MBD2: variants seen among roughly 807,000 people sequenced by gnomAD.
MBD2 encodes the protein methyl-CpG-binding domain protein 2.
A neutral mutation model predicts 39.3 loss-of-function variants in MBD2; 9 were observed. The observed-to-expected ratio is 0.23, with a 90% confidence interval of 0.14 to 0.40. The LOEUF is 0.40. Among genes scored for constraint, MBD2 ranks in the 10% least tolerant of loss-of-function variants. The pLI is 1.00. For missense variants in MBD2, 458 were observed against 532.6 expected, an observed-to-expected ratio of 0.86 and a Z score of 1.38; for synonymous variants, 233 against 211.1, an observed-to-expected ratio of 1.10 and a Z score of -0.90.
At chr18:54,159,734 T>C (rs919473065) in intron 6 of MBD2, 31 bp downstream of exon 6, 2 of 1,597,708 alleles carry the variant, frequency 1.3e-6, no homozygotes, top group Non-Finnish European at 1.7e-6. Context: ...ACACCTTAAG[T>C]TCCAAGTCAC....
intron 3 of MBD2, among the ~76,000 whole-genome samples, chr18:54,185,333 C>A (rs529223164): frequency 3.3e-5 from 5 of 152,074 alleles, no homozygotes; most frequent in African/African-American, 1.2e-4. Flanking sequence ...AACAATTACC[C>A]CTACAAAAAA....
intron 5 of MBD2, 31 bp downstream of exon 5, chr18:54,164,492 A>G (rs1389417714): frequency 1.3e-6 from 2 of 1,582,954 alleles, no homozygotes; most frequent in Non-Finnish European, 1.7e-6. Flanking sequence ...GTAAAAACCC[A>G]AGTTTATGAA....
chr18:54,207,910 C>T (rs2086463697), intron 1 of MBD2, among the ~76,000 whole-genome samples: 1 of 152,052 alleles, frequency 6.6e-6, no homozygotes, highest in Non-Finnish European at 1.5e-5. Flanking sequence ...TGGTGGCGGG[C>T]GCCTGTAGTC....
At chr18:54,197,715 A>G (rs544229924) in intron 2 of MBD2, among the ~76,000 whole-genome samples, 1 of 152,300 alleles carries the variant, frequency 6.6e-6, no homozygotes, top group East Asian at 1.9e-4. Context: ...GTCCACTTCT[A>G]TCTCCACGGG....
At chr18:54,219,472 T>C (rs915310201) in intron 1 of MBD2, among the ~76,000 whole-genome samples, 1 of 152,204 alleles carries the variant, frequency 6.6e-6, no homozygotes, top group African/African-American at 2.4e-5. Flanking sequence ...CCACAAGTTC[T>C]AAGTAAATGA....
intron 3 of MBD2, among the ~76,000 whole-genome samples, chr18:54,171,430 T>A (rs778018865): frequency 6.8e-6 from 1 of 147,722 alleles, no homozygotes; most frequent in East Asian, 2.0e-4. Context: ...GGGGGTGTAG[T>A]GACCACCAAG....
intron 2 of MBD2, among the ~76,000 whole-genome samples, chr18:54,190,022 T>G (rs2086310030): frequency 6.7e-6 from 1 of 148,982 alleles, no homozygotes; most frequent in East Asian, 1.9e-4. Flanking sequence ...ATTGGCATAC[T>G]TGGCATTAAA....
intron 6 of MBD2, among the ~76,000 whole-genome samples, chr18:54,156,958 A>G (rs1181297535): frequency 1.3e-5 from 2 of 152,176 alleles, no homozygotes; most frequent in African/African-American, 4.8e-5. Flanking sequence ...GAAAAAAACC[A>G]AAAAGCCCTG....
intron 2 of MBD2, among the ~76,000 whole-genome samples, chr18:54,194,101 T>C (rs565537683): frequency 5.9e-5 from 9 of 152,258 alleles, no homozygotes; most frequent in African/African-American, 1.2e-4. Context: ...TATTTTTGTA[T>C]TTCTACCCCT....
chr18:54,160,244 G>T, intron 5 of MBD2: 1 of 193,422 alleles, frequency 5.2e-6, no homozygotes, highest in Non-Finnish European at 1.1e-5. Flanking sequence ...CTTAGAAGCA[G>T]GAATAAAAGA....
intron 3 of MBD2, among the ~76,000 whole-genome samples, chr18:54,180,890 A>ATTTTTTTTTTTTTTTTT (rs1568083459): frequency 7.0e-5 from 8 of 114,592 alleles, no homozygotes; most frequent in African/African-American, 2.2e-4. Flanking sequence ...GTATTCCTTA[A>ATTTTTTTTTTTTTTTTT]TTTTTTCTTT....
intron 3 of MBD2, among the ~76,000 whole-genome samples, chr18:54,186,030 A>G (rs2086284333): frequency 6.6e-6 from 1 of 152,072 alleles, no homozygotes; most frequent in African/African-American, 2.4e-5. Context: ...ACCTGGGCAT[A>G]GGATGTTGGT....
intron 6 of MBD2, among the ~76,000 whole-genome samples, chr18:54,156,948 G>C (rs2086056108): frequency 6.6e-6 from 1 of 152,002 alleles, no homozygotes; most frequent in Non-Finnish European, 1.5e-5. Flanking sequence ...GAAAAGTCTA[G>C]AAAAAAACCA....
intron 1 of MBD2, 49 bp downstream of exon 1, chr18:54,223,969 C>A: frequency 6.7e-7 from 1 of 1,489,270 alleles, no homozygotes; most frequent in Non-Finnish European, 9.1e-7. Context: ...CTCTTGACCC[C>A]TGACCCCGGC....
chr18:54,216,755 C>CAA (rs374595273), intron 1 of MBD2, among the ~76,000 whole-genome samples: 3 of 146,752 alleles, frequency 2.0e-5, no homozygotes, highest in Non-Finnish European at 4.5e-5. Context: ...ACACAGCATT[C>CAA]AAAAAAAAAA....
At chr18:54,216,771 CA>C (rs888085876) in intron 1 of MBD2, among the ~76,000 whole-genome samples, 1 of 151,846 alleles carries the variant, frequency 6.6e-6, no homozygotes, top group Non-Finnish European at 1.5e-5. Flanking sequence ...AAAAAATCTT[CA>C]AAAGGGGATG....
intron 1 of MBD2, among the ~76,000 whole-genome samples, chr18:54,206,264 T>C (rs28433825): frequency 0.22 from 33,500 of 152,156 alleles, 4,330 homozygotes; most frequent in East Asian, 0.4. Flanking sequence ...GGAGGACTAG[T>C]CTTTCCTAAA....
chr18:54,156,555 A>G (rs1480979303), intron 6 of MBD2, among the ~76,000 whole-genome samples: 1 of 152,178 alleles, frequency 6.6e-6, no homozygotes, highest in East Asian at 1.9e-4. Context: ...GTAATCTGTA[A>G]AGGAAGCAAA....
Position 54,224,131 on chromosome 18 carries a change from G to A in MBD2, c.429C>T (p.Ala143=). ...AATCCATCCTCTTCCCGCTCTCCGT[G>A]GCCCGGGGTCCCCTGGGCCCCGGCC... ...SAGPGPRGPR[A]TESGKRMDCP... Residue 143 remains alanine, a synonymous_variant, in exon 1 of 7, where the codon GCC becomes GCT. Coordinates refer to ENST00000256429, the MANE Select transcript of MBD2 (RefSeq NM_003927.5). 1.3e-6 allele frequency: 2 copies of A among 1,554,358 alleles called. No homozygotes were observed. Among genetic ancestry groups the A allele is most frequent in the East Asian group, 5.0e-5 (2 of 39,630 alleles).
Sources: allele counts gnomAD v4.1 joint callset (sites outside exome capture counted in the v4.1 genomes callset), GRCh38; gene constraint gnomAD v4.1.1; transcripts MANE v1.5; gene names NCBI Gene and HGNC (gene_info 2026-07-23, HGNC 2026-07-21).